RNF130: variants seen among roughly 807,000 people sequenced by gnomAD.
RNF130 encodes the protein E3 ubiquitin-protein ligase RNF130.
Under a neutral mutation model 44.6 loss-of-function variants are expected in RNF130, and 21 were observed. The observed-to-expected ratio is 0.47, with a 90% CI of 0.33 to 0.68. The LOEUF (loss-of-function observed/expected upper bound fraction) is 0.68, where lower values mean the gene tolerates loss of function less well. Among genes scored for constraint, RNF130 ranks in the 30% least tolerant of loss-of-function variants. RNF130 has a pLI of 0.02. For missense variants in RNF130, 479 were observed against 560.6 expected (o/e 0.85, Z 1.47); for synonymous variants, 214 against 210.4 (o/e 1.02, Z -0.15).
At chr5:180,027,259 G>T (rs932753595) in intron 2 of RNF130, among the ~76,000 whole-genome samples, 1 of 152,114 alleles carries the variant, frequency 6.6e-6, no homozygotes, top group Non-Finnish European at 1.5e-5. Context: ...CTGACACCAG[G>T]GTTCTTGAAT....
rs188399300 is a variant in RNF130, at chr5:179,963,478, C to T, written c.1237G>A (p.Ala413Thr). The T allele has an allele frequency of 1.7e-5, 27 of 1,613,266 alleles. No individual in the cohort carries two copies. In the Admixed American group the frequency reaches 2.8e-4, roughly 17 times the overall value. The change falls in exon 8 of 9, where the codon GCT becomes ACT. Residue 413 changes from alanine to threonine, a missense_variant. Ala to Thr is a moderately conservative substitution (Grantham distance 58, BLOSUM62 0). This residue lies in a region of RNF130 where 161 missense variants were observed against 158.6 expected (regional missense o/e 1.02). Coordinates refer to ENST00000521389, the MANE Select transcript of RNF130 (RefSeq NM_018434.6). Reference protein sequence around the residue: ...MIIRATASLNANEVEWF With the variant: ...MIIRATASLNTNEVEWF ...AAACAATTTGTTACTTACTCATTAG[C>T]ATTCAAGCTAGCTGTGGCTCTGATG...
chr5:179,924,728 G>A (rs1297471740), intron 7 of RNF130, among the ~76,000 whole-genome samples: 1 of 152,284 alleles, frequency 6.6e-6, no homozygotes, highest in South Asian at 2.1e-4. Context: ...GGTGGAGGTT[G>A]CAGTGAGCCA....
At chr5:179,995,038 T>C (rs1295505822) in intron 3 of RNF130, among the ~76,000 whole-genome samples, 5 of 152,100 alleles carry the variant, frequency 3.3e-5, no homozygotes, top group South Asian at 4.1e-4. Context: ...GGTCCCCCAG[T>C]AGCAGGCAGA....
At chr5:180,045,614 G>A (rs989644805) in intron 1 of RNF130, among the ~76,000 whole-genome samples, 3 of 152,174 alleles carry the variant, frequency 2.0e-5, no homozygotes, top group Non-Finnish European at 4.4e-5. Context: ...CAATTTTACA[G>A]AGAGCTGATT....
chr5:179,923,228 GA>G (rs1265228292), intron 7 of RNF130, among the ~76,000 whole-genome samples: 13 of 151,476 alleles, frequency 8.6e-5, no homozygotes, highest in African/African-American at 2.9e-4. Context: ...CAGAAAATAA[GA>G]GTTGAAGTTC....
chr5:180,048,132 A>G (rs1188701454), intron 1 of RNF130, among the ~76,000 whole-genome samples: 1 of 152,182 alleles, frequency 6.6e-6, no homozygotes, highest in Non-Finnish European at 1.5e-5. Flanking sequence ...TCAGGTCAAC[A>G]GCATGCTAAG....
chr5:180,071,588 T>C lies in RNF130; in HGVS notation c.115A>G (p.Ile39Val). ...CCGGGCTCCTGCACCGTCACGTTGA[T>C]GAGCGCCGTGTAGTACTCCTGGCTC... ...NASQEYYTAL[I>V]NVTVQEPGRG... The change falls in exon 1 of 9, where the codon ATC (isoleucine) becomes GTC (valine). Residue 39 changes from isoleucine to valine, a missense_variant. This residue lies in a region of RNF130 where 138 missense variants were observed against 126.9 expected (regional missense o/e 1.09). Coordinates refer to ENST00000521389, the MANE Select transcript of RNF130 (RefSeq NM_018434.6). 10 of 1,496,018 alleles carry C rather than the reference T, an allele frequency of 6.7e-6. No homozygotes were observed. Among genetic ancestry groups the C allele is most frequent in the Non-Finnish European group, 8.0e-6 (9 of 1,119,160 alleles). 92.7% of individuals were successfully genotyped at this position (1,496,018 alleles called of 1,614,324 possible).
At position 180,055,313 on chromosome 5, in the gene RNF130, AT is replaced by A. The variant is rs1256767514; in HGVS notation, c.248-14667del. The stretch of plus-strand genomic sequence containing the variant: ...AAACAGCAAACAAACAAAAAATGCA[AT>A]TTTTTTTTTCTTTGAGAAGGAGTCA... On this transcript the variant is annotated intron_variant, in intron 1 of 8. Transcript: ENST00000521389. Among the ~76,000 whole-genome samples the A allele has an allele frequency of 2.5e-3, 353 of 141,340 alleles. 1 individual carries two copies. The highest frequency in any genetic ancestry group is 8.3e-3 in the African/African-American group (316 of 37,894). The allele number at this position is 141,340 out of a possible 152,430, so 92.7% of individuals were successfully genotyped here. A position where few individuals can be genotyped will look rare whatever the true frequency, so the allele number is the denominator to read the frequency against.
chr5:180,065,513 C>T (rs1374985573), intron 1 of RNF130, among the ~76,000 whole-genome samples: 1 of 152,158 alleles, frequency 6.6e-6, no homozygotes, highest in Non-Finnish European at 1.5e-5. Flanking sequence ...GTAATCCCAG[C>T]ACTTTGGGAG....
intron 7 of RNF130, chr5:179,939,769 T>C (rs542379343): frequency 1.3e-4 from 53 of 421,108 alleles, no homozygotes; most frequent in African/African-American, 1.1e-3. Context: ...CCTTGGCGAC[T>C]CCTTTGATTC....
At chr5:180,065,557 G>A (rs1302234741) in intron 1 of RNF130, among the ~76,000 whole-genome samples, 1 of 152,036 alleles carries the variant, frequency 6.6e-6, no homozygotes, top group South Asian at 2.1e-4. Context: ...TCAGGAGATC[G>A]AGACCATCCT....
At chr5:179,914,810 A>G (rs1761518104) in exon 8 of RNF130, 1 of 152,188 alleles carries the variant, frequency 6.6e-6, no homozygotes, top group African/African-American at 2.4e-5. Flanking sequence ...CGGGAGGGTC[A>G]CTGGAGCCCA....
At chr5:179,980,933 A>G (rs1474879235) in intron 3 of RNF130, among the ~76,000 whole-genome samples, 1 of 152,112 alleles carries the variant, frequency 6.6e-6, no homozygotes, top group East Asian at 1.9e-4. Context: ...CAGCTGCGTT[A>G]ATGGTGTATA....
At chr5:180,009,006 G>A (rs1763525603) in intron 3 of RNF130, among the ~76,000 whole-genome samples, 1 of 152,128 alleles carries the variant, frequency 6.6e-6, no homozygotes, top group Non-Finnish European at 1.5e-5. Flanking sequence ...GAATGAAAAT[G>A]AAAATACAGC....
rs370237906 is a variant in RNF130, at chr5:179,930,307, T to G, written c.1151-9881A>C. Among the ~76,000 whole-genome samples the G allele has an allele frequency of 1.8e-4, 28 of 152,294 alleles. 1 individual carries two copies. The East Asian group carries it at 5.0e-3, about 27-fold the overall frequency. On this transcript the variant is annotated intron_variant, in intron 7 of 7. Coordinates refer to the RNF130 transcript ENST00000522208. ...TCCTGACCTCGTGATCTGCCCGCCT[T>G]GGCCTCCCAGAGTGCTAGGATTACA...
In RNF130 at chr5:179,992,609, T is replaced by C. The variant is rs1482267519; in HGVS notation, c.694-12409A>G. ...TGTGTTTTTTTGGGGGGGTGTCATA[T>C]TATCTTTTTCATACTTCCTATAGTA... On this transcript the variant is annotated intron_variant, in intron 3 of 8. Transcript: ENST00000521389. 2.0e-5 allele frequency among the ~76,000 whole-genome samples: 3 copies of C among 152,210 alleles called. No individual in the cohort carries two copies. The East Asian group carries it at 5.8e-4, about 29-fold the overall frequency.
At chr5:179,985,418 C>A (rs1392555701) in intron 3 of RNF130, among the ~76,000 whole-genome samples, 1 of 152,144 alleles carries the variant, frequency 6.6e-6, no homozygotes, top group South Asian at 2.1e-4. Context: ...CATACTAAGC[C>A]GTAAGGGTCC....
chr5:180,014,010 C>G (rs1763657063), intron 2 of RNF130, among the ~76,000 whole-genome samples: 1 of 152,172 alleles, frequency 6.6e-6, no homozygotes, highest in Non-Finnish European at 1.5e-5. Flanking sequence ...CTAGTTTACC[C>G]CAGAACTCTT....
intron 2 of RNF130, among the ~76,000 whole-genome samples, chr5:180,027,656 C>T (rs13166286): frequency 0.097 from 14,708 of 152,198 alleles, 761 homozygotes; most frequent in South Asian, 0.14. Context: ...ATTAAGAACC[C>T]TAGCAGCCAG....
Sources: allele counts gnomAD v4.1 joint callset (sites outside exome capture counted in the v4.1 genomes callset), GRCh38; gene constraint gnomAD v4.1.1; regional missense constraint gnomAD v4.1.1; transcripts MANE v1.5; gene names NCBI Gene and HGNC (gene_info 2026-07-23, HGNC 2026-07-21).